Variants in LHFPL3 observed in about 807,000 individuals in gnomAD.
LHFPL3 encodes LHFPL tetraspan subfamily member 3.
LHFPL3 carries 5 observed loss-of-function variants against 19.3 expected under a neutral mutation model. The observed-to-expected ratio is 0.26, with a 90% CI of 0.14 to 0.54. The LOEUF is 0.54. LHFPL3 is among the 20% of genes least tolerant of loss of function. LHFPL3 has a pLI of 0.94. For missense variants in LHFPL3, 249 were observed against 307.4 expected (o/e 0.81, Z 1.42); for synonymous variants, 133 against 126.2 (o/e 1.05, Z -0.36).
intron 1 of LHFPL3, among the ~76,000 whole-genome samples, chr7:104,506,993 G>A (rs879324893): frequency 4.6e-5 from 7 of 152,198 alleles, no homozygotes; most frequent in Non-Finnish European, 7.3e-5. Context: ...CAGTCTCTAA[G>A]ATAGCATATT....
intron 1 of LHFPL3, among the ~76,000 whole-genome samples, chr7:104,507,228 C>T (rs1793716744): frequency 6.6e-6 from 1 of 151,124 alleles, no homozygotes; most frequent in Admixed American, 6.6e-5. Flanking sequence ...CTACAGTAAC[C>T]AAAACAGCAT....
intron 2 of LHFPL3, among the ~76,000 whole-genome samples, chr7:104,840,474 C>CTTTTTTTTTT (rs71155530): frequency 1.5e-5 from 1 of 65,540 alleles, no homozygotes; most frequent in Non-Finnish European, 2.7e-5. Flanking sequence ...TTTTCTTTTC[C>CTTTTTTTTTT]TTTTTTTTTT....
At chr7:104,765,531 T>C (rs1361333267) in intron 2 of LHFPL3, among the ~76,000 whole-genome samples, 4 of 152,260 alleles carry the variant, frequency 2.6e-5, no homozygotes, top group Non-Finnish European at 5.9e-5. Flanking sequence ...TTAGAAGTCA[T>C]TGTGCTTTCC....
intron 1 of LHFPL3, among the ~76,000 whole-genome samples, chr7:104,527,919 T>C (rs73713276): frequency 3.0e-3 from 456 of 152,322 alleles, no homozygotes; most frequent in African/African-American, 9.3e-3. Context: ...ATACTTTTAA[T>C]ATTCAAAAAG....
chr7:104,486,024 G>A (rs566806714), intron 1 of LHFPL3, among the ~76,000 whole-genome samples: 2 of 152,194 alleles, frequency 1.3e-5, no homozygotes, highest in Non-Finnish European at 2.9e-5. Context: ...CCAACCTTAT[G>A]AAGTCTATAT....
chr7:104,599,677 T>C (rs1030180612), intron 1 of LHFPL3, among the ~76,000 whole-genome samples: 1 of 152,126 alleles, frequency 6.6e-6, no homozygotes, highest in Non-Finnish European at 1.5e-5. Flanking sequence ...TTCAATACAA[T>C]GAGGAAGGTC....
At chr7:104,566,412 A>G (rs2115971981) in intron 1 of LHFPL3, among the ~76,000 whole-genome samples, 1 of 152,274 alleles carries the variant, frequency 6.6e-6, no homozygotes, top group Admixed American at 6.5e-5. Context: ...ATCTGGAAAT[A>G]AAAATACCCT....
chr7:104,541,805 G>A (rs1053459272), intron 1 of LHFPL3, among the ~76,000 whole-genome samples: 1 of 152,010 alleles, frequency 6.6e-6, no homozygotes, highest in African/African-American at 2.4e-5. Flanking sequence ...AGTCCGGATG[G>A]TATTTGAAAC....
chr7:104,350,531 A>C (rs1487431079), intron 1 of LHFPL3, among the ~76,000 whole-genome samples: 1 of 152,228 alleles, frequency 6.6e-6, no homozygotes, highest in East Asian at 1.9e-4. Context: ...TGGAAGATTC[A>C]TTTATTCATT....
intron 1 of LHFPL3, among the ~76,000 whole-genome samples, chr7:104,635,436 C>T (rs1463292893): frequency 1.3e-5 from 2 of 151,980 alleles, no homozygotes; most frequent in African/African-American, 2.4e-5. Flanking sequence ...CTGGAGAGAA[C>T]AGATGGGCAA....
intron 2 of LHFPL3, among the ~76,000 whole-genome samples, chr7:104,812,248 C>T (rs1259195022): frequency 6.6e-6 from 1 of 152,204 alleles, no homozygotes; most frequent in Non-Finnish European, 1.5e-5. Context: ...GAGCCAGCAG[C>T]TGCTGAGAAA....
At chr7:104,439,139 T>C (rs1206354785) in intron 1 of LHFPL3, among the ~76,000 whole-genome samples, 1 of 152,164 alleles carries the variant, frequency 6.6e-6, no homozygotes, top group Non-Finnish European at 1.5e-5. Context: ...GCAGTTTCAC[T>C]GGTGAATTAA....
At chr7:104,820,752 C>T (rs552300666) in intron 2 of LHFPL3, among the ~76,000 whole-genome samples, 2 of 152,192 alleles carry the variant, frequency 1.3e-5, no homozygotes, top group Admixed American at 6.5e-5. Context: ...ACCACCCCCC[C>T]AGACCAAAGA....
At chr7:104,615,914 G>C (rs1445156104) in intron 1 of LHFPL3, among the ~76,000 whole-genome samples, 4 of 152,050 alleles carry the variant, frequency 2.6e-5, no homozygotes, top group African/African-American at 9.7e-5. Flanking sequence ...AAAATACCTA[G>C]GAATACAACC....
At chr7:104,528,679 T>C (rs993575457) in intron 1 of LHFPL3, among the ~76,000 whole-genome samples, 3 of 152,230 alleles carry the variant, frequency 2.0e-5, no homozygotes, top group African/African-American at 7.2e-5. Context: ...TGGAATTATT[T>C]AGTGTTCCCT....
chr7:104,393,691 G>C (rs1471073476), intron 1 of LHFPL3, among the ~76,000 whole-genome samples: 1 of 152,086 alleles, frequency 6.6e-6, no homozygotes, highest in African/African-American at 2.4e-5. Flanking sequence ...ACTCCAGCCT[G>C]GGTAACACAG....
intron 1 of LHFPL3, among the ~76,000 whole-genome samples, chr7:104,535,738 A>G (rs1794377979): frequency 6.6e-6 from 1 of 152,248 alleles, no homozygotes; most frequent in African/African-American, 2.4e-5. Flanking sequence ...GGAACCTGGG[A>G]GAATCATTGG....
intron 1 of LHFPL3, among the ~76,000 whole-genome samples, chr7:104,565,859 A>G (rs1790112657): frequency 6.6e-6 from 1 of 152,082 alleles, no homozygotes; most frequent in African/African-American, 2.4e-5. Flanking sequence ...AGTCAACAGA[A>G]ACTCTCGGCT....
intron 1 of LHFPL3, among the ~76,000 whole-genome samples, chr7:104,701,571 G>A (rs190206875): frequency 5.3e-5 from 8 of 152,276 alleles, no homozygotes; most frequent in African/African-American, 9.6e-5. Context: ...TCTTCACACC[G>A]AGTAGGCTGA....
Sources: allele counts gnomAD v4.1 joint callset (sites outside exome capture counted in the v4.1 genomes callset), GRCh38; gene constraint gnomAD v4.1.1; transcripts MANE v1.5; gene names NCBI Gene and HGNC (gene_info 2026-07-23, HGNC 2026-07-21).